The following ATP6V1H variants were observed in gnomAD, a reference collection of about 807,000 sequenced individuals.
ATP6V1H encodes ATPase H+ transporting V1 subunit H.
A neutral mutation model predicts 71.7 loss-of-function variants in ATP6V1H; 39 were observed. The observed-to-expected ratio is 0.54, with a 90% CI of 0.42 to 0.71. The LOEUF (loss-of-function observed/expected upper bound fraction) is 0.71. Among genes scored for constraint, ATP6V1H ranks in the 30% least tolerant of loss-of-function variants. ATP6V1H has a pLI of 0.00. For missense variants in ATP6V1H, 509 were observed against 594.9 expected, an observed-to-expected ratio of 0.86 and a Z score of 1.50; for synonymous variants, 192 against 199.3, an observed-to-expected ratio of 0.96 and a Z score of 0.31.
chr8:53,760,915 T>C (rs1808250081), intron 11 of ATP6V1H, among the ~76,000 whole-genome samples: 1 of 152,218 alleles, frequency 6.6e-6, no homozygotes, highest in South Asian at 2.1e-4. Context: ...TGGTCACTCA[T>C]ATTGGCTCAG....
chr8:53,744,099 G>C (rs971088215), intron 12 of ATP6V1H, among the ~76,000 whole-genome samples: 9 of 152,004 alleles, frequency 5.9e-5, no homozygotes. Context: ...AAGCCCACCA[G>C]TGACCGTGCT....
chr8:53,729,161 A>G (rs745910900), intron 13 of ATP6V1H, among the ~76,000 whole-genome samples: 9 of 151,766 alleles, frequency 5.9e-5, no homozygotes, highest in Non-Finnish European at 1.2e-4. Flanking sequence ...AGAGACTAGC[A>G]CCACATGTTT....
chr8:53,795,179 G>A (rs767470322), intron 9 of ATP6V1H, among the ~76,000 whole-genome samples: 45 of 152,154 alleles, frequency 3.0e-4, no homozygotes, highest in Non-Finnish European at 5.9e-4. Context: ...GGAGGAAGAT[G>A]ACTTAGGTAA....
intron 4 of ATP6V1H, among the ~76,000 whole-genome samples, chr8:53,820,370 T>C (rs1450040839): frequency 6.6e-6 from 1 of 151,158 alleles, no homozygotes; most frequent in African/African-American, 2.4e-5. Flanking sequence ...GAGGAAACTT[T>C]AGGGTTCTGC....
At chr8:53,772,201 C>T (rs1246287737) in intron 9 of ATP6V1H, 34 bp from the exon 10 acceptor site, 2 of 1,529,664 alleles carry the variant, frequency 1.3e-6, no homozygotes, top group Admixed American at 1.8e-5. Flanking sequence ...AGAAACTATA[C>T]AATTTGTCAT....
At position 53,715,745 on chromosome 8, in the gene ATP6V1H, T is replaced by C. The variant is rs991631616; in HGVS notation, c.*219A>G. 1.1e-5 allele frequency: 5 copies of C among 437,790 alleles called. No homozygotes were observed. The highest frequency in any genetic ancestry group is 8.0e-5 in the African/African-American group (4 of 50,164). 27.1% of individuals were successfully genotyped at this position (437,790 alleles called of 1,614,324 possible). On this transcript the variant is annotated 3_prime_UTR_variant, in exon 14 of 14. Coordinates refer to ENST00000359530, the MANE Select transcript of ATP6V1H (RefSeq NM_015941.4). ...ATACAGAAATTGCAAGCAGTATATG[T>C]AACAGTAATATTTTCTTTAAATACA...
Position 53,801,802 on chromosome 8 carries a change from T to C in ATP6V1H, c.674A>G (p.Asn225Ser), listed in dbSNP as rs982025839. The C allele has an allele frequency of 1.2e-6, 2 of 1,613,314 alleles. No homozygotes were observed. The highest frequency in any genetic ancestry group is 2.7e-5 in the African/African-American group (2 of 74,884). Reference sequence around the variant, plus strand: ...ATTAAAAGGAAAGGGCACTCACCAATTTACCCCATCTGCTTCCACCCAAGC... The same window carrying C: ...ATTAAAAGGAAAGGGCACTCACCAACTTACCCCATCTGCTTCCACCCAAGC... ...RFAWVEADGV[N>S]CIMGVLSNKC... is the part of the protein sequence containing the mutation. Residue 225 changes from asparagine (N) to serine (S), a missense_variant, in exon 8 of 14, where the codon AAT (asparagine) becomes AGT (serine). By Grantham distance (46) the Asn-to-Ser change is conservative. Around this residue, in one of 2 missense-constraint regions of ATP6V1H, gnomAD observed 297 missense variants for 303.3 expected, o/e 0.98. Coordinates refer to ENST00000359530, the MANE Select transcript of ATP6V1H (RefSeq NM_015941.4).
chr8:53,805,749 C>T (rs543477574), intron 7 of ATP6V1H, among the ~76,000 whole-genome samples: 6 of 152,090 alleles, frequency 3.9e-5, no homozygotes, highest in Non-Finnish European at 7.4e-5. Context: ...CTAGAAGCAA[C>T]CCAAATATCC....
At chr8:53,832,397 C>A (rs1811037432) in intron 3 of ATP6V1H, 1 of 151,822 alleles carries the variant, frequency 6.6e-6, no homozygotes, top group African/African-American at 2.4e-5. Context: ...ACATTTTAAA[C>A]CACTGTATAT....
At chr8:53,792,189 G>T (rs1434777836) in intron 9 of ATP6V1H, among the ~76,000 whole-genome samples, 4 of 152,184 alleles carry the variant, frequency 2.6e-5, no homozygotes, top group Non-Finnish European at 5.9e-5. Context: ...GAGCCACCAT[G>T]GTGAGGGAGA....
chr8:53,781,161 T>G (rs1288850766), intron 9 of ATP6V1H, among the ~76,000 whole-genome samples: 2 of 152,164 alleles, frequency 1.3e-5, no homozygotes. Context: ...CCACCAACAG[T>G]GTAAAAGTGT....
At chr8:53,824,804 T>C (rs920744925) in intron 4 of ATP6V1H, among the ~76,000 whole-genome samples, 3 of 151,938 alleles carry the variant, frequency 2.0e-5, no homozygotes, top group African/African-American at 4.8e-5. Flanking sequence ...TAAAATTATC[T>C]GTTTTTGCAA....
intron 4 of ATP6V1H, among the ~76,000 whole-genome samples, chr8:53,824,085 A>G (rs1053785993): frequency 2.0e-5 from 3 of 152,100 alleles, no homozygotes; most frequent in Non-Finnish European, 2.9e-5. Context: ...GAAGCATAAG[A>G]TTTAATAAGA....
At chr8:53,718,041 T>TCTTAC in intron 13 of ATP6V1H, among the ~76,000 whole-genome samples, 1 of 152,250 alleles carries the variant, frequency 6.6e-6, no homozygotes, top group East Asian at 1.9e-4. Context: ...CTCCAGGAGC[T>TCTTAC]CAGGCAGGGA....
At chr8:53,819,051 A>T (rs1003234590) in intron 4 of ATP6V1H, among the ~76,000 whole-genome samples, 1 of 151,086 alleles carries the variant, frequency 6.6e-6, no homozygotes, top group African/African-American at 2.4e-5. Flanking sequence ...ACAAAAAAAT[A>T]AAAAATTAGC....
chr8:53,824,525 C>A (rs1050605227), intron 4 of ATP6V1H, among the ~76,000 whole-genome samples: 2 of 151,898 alleles, frequency 1.3e-5, no homozygotes, highest in African/African-American at 2.4e-5. Context: ...GACAACATGA[C>A]CAAGTGGGAT....
chr8:53,810,317 G>GTGT (rs1370881400), intron 7 of ATP6V1H, among the ~76,000 whole-genome samples: 1 of 152,182 alleles, frequency 6.6e-6, no homozygotes, highest in Non-Finnish European at 1.5e-5. Flanking sequence ...TATTCCTAGA[G>GTGT]CACAGCAAAG....
chr8:53,761,133 G>A lies in ATP6V1H; in HGVS notation c.1176-4477C>T, dbSNP rs562227701. Among the ~76,000 whole-genome samples, 712 of 152,132 alleles carry A rather than the reference G, an allele frequency of 4.7e-3. 9 individuals carry two copies. The highest frequency in any genetic ancestry group is 0.017 in the African/African-American group (688 of 41,522). On this transcript the variant is annotated intron_variant, in intron 11 of 13. Coordinates refer to ENST00000359530, the MANE Select transcript of ATP6V1H (RefSeq NM_015941.4). Reference sequence around the variant, plus strand: ...GGGCAGATCACGAGGTCAGGAGATCGAGACCATCCTGGCTAACACGGTGAA... The same window carrying A: ...GGGCAGATCACGAGGTCAGGAGATCAAGACCATCCTGGCTAACACGGTGAA...
chr8:53,755,781 G>A (rs1433441828), intron 12 of ATP6V1H, among the ~76,000 whole-genome samples: 9 of 54,462 alleles, frequency 1.7e-4, no homozygotes, highest in East Asian at 9.9e-4. Context: ...TTTTTGAGAC[G>A]GAGTCTCGCT....
Sources: gnomAD v4.1 joint callset for allele counts (sites outside exome capture counted in the v4.1 genomes callset) on GRCh38, gnomAD v4.1.1 for gene constraint, gnomAD v4.1.1 regional missense constraint, MANE v1.5 for transcripts, NCBI Gene and HGNC (gene_info 2026-07-23, HGNC 2026-07-21) for gene names.